GNAL: variants seen among roughly 807,000 people sequenced by gnomAD.
GNAL encodes G protein subunit alpha L.
Under a neutral mutation model 55.1 loss-of-function variants are expected in GNAL, and 18 were observed. The ratio of observed to expected loss-of-function variants is 0.33; its 90% confidence interval spans 0.23 to 0.48. The LOEUF is 0.48. Among genes scored for constraint, GNAL ranks in the 20% least tolerant of loss-of-function variants. The pLI is 0.99. For missense variants in GNAL, 412 were observed against 614.1 expected, an observed-to-expected ratio of 0.67 and a Z score of 3.48; for synonymous variants, 253 against 237.0, an observed-to-expected ratio of 1.07 and a Z score of -0.62.
At chr18:11,822,122 C>A (rs1318948289) in intron 4 of GNAL, among the ~76,000 whole-genome samples, 1 of 152,200 alleles carries the variant, frequency 6.6e-6, no homozygotes, top group African/African-American at 2.4e-5. Flanking sequence ...TCCGGAGAGG[C>A]CCAGGGGCTT....
At chr18:11,761,749 G>C (rs758692559) in intron 4 of GNAL, among the ~76,000 whole-genome samples, 1 of 152,132 alleles carries the variant, frequency 6.6e-6, no homozygotes, top group African/African-American at 2.4e-5. Context: ...CCTTTGCTTC[G>C]TGCTGTCTAG....
In GNAL at chr18:11,882,091, G is replaced by C. The variant is rs2036707622; in HGVS notation, c.*956G>C. On this transcript the variant is annotated 3_prime_UTR_variant, in exon 12 of 12. Coordinates refer to ENST00000334049, the MANE Select transcript of GNAL (RefSeq NM_182978.4). Reference sequence around the variant, plus strand: ...AAAATACTCCCTGATTTAAAAAATTGTAAGTTATACACGTTAATCATCCAC... The same window carrying C: ...AAAATACTCCCTGATTTAAAAAATTCTAAGTTATACACGTTAATCATCCAC... 1 of 152,154 alleles carries C rather than the reference G, an allele frequency of 6.6e-6. No homozygotes were observed. The highest frequency in any genetic ancestry group is 2.1e-4 in the South Asian group (1 of 4,832). 9.4% of individuals were successfully genotyped at this position (152,154 alleles called of 1,614,324 possible).
intron 1 of GNAL, among the ~76,000 whole-genome samples, chr18:11,716,968 G>T (rs1444380037): frequency 2.6e-5 from 4 of 152,234 alleles, no homozygotes; most frequent in African/African-American, 9.6e-5. Context: ...CCCTTAGGTG[G>T]TCGATGGGAC....
Position 11,753,189 on chromosome 18 carries a change from T to C in GNAL, c.449+264T>C, listed in dbSNP as rs144284842. 5.9e-3 allele frequency among the ~76,000 whole-genome samples: 895 copies of C among 151,468 alleles called. 7 individuals carry two copies. The highest frequency in any genetic ancestry group is 0.02 in the African/African-American group (829 of 40,920). On this transcript the variant is annotated intron_variant, in intron 2 of 11. Coordinates refer to ENST00000334049, the MANE Select transcript of GNAL (RefSeq NM_182978.4). ...TTGATCTGTATTACTGGTATTGCTC[T>C]GAGCACACTTAACCAATATCTCGAT...
intron 1 of GNAL, among the ~76,000 whole-genome samples, chr18:11,725,308 G>A (rs1350053545): frequency 3.3e-5 from 5 of 152,168 alleles, no homozygotes; most frequent in African/African-American, 1.2e-4. Flanking sequence ...GACACAGACA[G>A]GCACGGAGGT....
At chr18:11,798,050 A>C (rs755751078) in intron 4 of GNAL, among the ~76,000 whole-genome samples, 6 of 152,286 alleles carry the variant, frequency 3.9e-5, no homozygotes, top group Non-Finnish European at 5.9e-5. Flanking sequence ...GCAAAGATAT[A>C]ATGATCAAAT....
At chr18:11,850,916 T>A (rs2035842162) in intron 5 of GNAL, among the ~76,000 whole-genome samples, 1 of 152,196 alleles carries the variant, frequency 6.6e-6, no homozygotes, top group Admixed American at 6.5e-5. Flanking sequence ...CCCGTTTGTT[T>A]TTAATGTGTT....
chr18:11,772,350 A>G (rs962028481), intron 4 of GNAL, among the ~76,000 whole-genome samples: 3 of 152,224 alleles, frequency 2.0e-5, no homozygotes, highest in African/African-American at 7.2e-5. Flanking sequence ...ATTACCACTC[A>G]TGCTTCTCTT....
At chr18:11,823,110 A>G (rs547619641) in intron 4 of GNAL, among the ~76,000 whole-genome samples, 1 of 152,254 alleles carries the variant, frequency 6.6e-6, no homozygotes, top group Admixed American at 6.5e-5. Flanking sequence ...CTTCATGGCC[A>G]ACTTGATAAC....
intron 4 of GNAL, among the ~76,000 whole-genome samples, chr18:11,808,701 A>G (rs932937437): frequency 6.6e-6 from 1 of 152,240 alleles, no homozygotes; most frequent in South Asian, 2.1e-4. Context: ...TTGCACACGA[A>G]TGTTTATAGC....
chr18:11,845,788 A>AG (rs2035721228), intron 5 of GNAL, among the ~76,000 whole-genome samples: 1 of 148,208 alleles, frequency 6.7e-6, no homozygotes, highest in African/African-American at 2.5e-5. Context: ...AGAGAGAGAG[A>AG]AAGAGAGAGG....
At chr18:11,815,686 A>G (rs1453685902) in intron 4 of GNAL, among the ~76,000 whole-genome samples, 1 of 152,228 alleles carries the variant, frequency 6.6e-6, no homozygotes, top group Non-Finnish European at 1.5e-5. Context: ...TAAATGTTTT[A>G]AATAAAAAAA....
intron 1 of GNAL, among the ~76,000 whole-genome samples, chr18:11,693,580 A>G (rs1405508554): frequency 1.3e-5 from 2 of 152,146 alleles, no homozygotes; most frequent in African/African-American, 4.8e-5. Flanking sequence ...ATTGACCATT[A>G]ATATCCTCAG....
At position 11,780,530 on chromosome 18, in the gene GNAL, G is replaced by A. The variant is rs148153348; in HGVS notation, c.624+26585G>A. Among the ~76,000 whole-genome samples the A allele has an allele frequency of 7.3e-3, 1,117 of 152,270 alleles. 7 individuals are homozygous for A. Among genetic ancestry groups the A allele is most frequent in the African/African-American group, 0.025 (1,057 of 41,554 alleles). On this transcript the variant is annotated intron_variant, in intron 4 of 11. Transcript: ENST00000334049. ...AAAATATTTCAGCTGTAAATTGGAA[G>A]ATAAGTCCTCTGTCCAAGCAGTTTT...
intron 1 of GNAL, 95 bp downstream of exon 1, chr18:11,690,034 G>T (rs892696346): frequency 2.9e-6 from 2 of 687,080 alleles, no homozygotes. Context: ...GGGCACCGGG[G>T]AGCGGCGGCG....
At chr18:11,750,175 A>G (rs77909100) in intron 1 of GNAL, among the ~76,000 whole-genome samples, 4,820 of 152,208 alleles carry the variant, frequency 0.032, 236 homozygotes, top group African/African-American at 0.1. Context: ...TTGTAAGAAA[A>G]TGGAATCTGG....
chr18:11,689,610 G>A lies in GNAL; in HGVS notation c.47G>A (p.Gly16Glu). The change falls in exon 1 of 12, where the codon GGG becomes GAG. Residue 16 changes from glycine to glutamate, a missense_variant. Physicochemically the swap from Gly to Glu is moderately conservative, Grantham distance 98. Transcript: ENST00000334049. The stretch of plus-strand genomic sequence containing the variant: ...CGGCCGCTGCTTTTCGGGGGCCCAG[G>A]GGACGACCCCTGCGCGGCCTCGGAG... ...SLRPLLFGGPGDDPCAASEPP... is the reference protein window; with the variant it reads ...SLRPLLFGGPEDDPCAASEPP... The A allele has an allele frequency of 7.4e-7, 1 of 1,344,928 alleles. No homozygotes were observed. The highest frequency in any genetic ancestry group is 9.4e-7 in the Non-Finnish European group (1 of 1,058,848). The allele number at this position is 1,344,928 out of a possible 1,614,324, so 83.3% of individuals were successfully genotyped here. A position where few individuals can be genotyped will look rare whatever the true frequency, so the allele number is the denominator to read the frequency against.
chr18:11,834,985 T>A (rs1298387735), intron 5 of GNAL, among the ~76,000 whole-genome samples: 2 of 152,190 alleles, frequency 1.3e-5, no homozygotes, highest in African/African-American at 4.8e-5. Flanking sequence ...GTAAGACTAT[T>A]CAACAGGTGC....
In GNAL at chr18:11,753,705, G is replaced by A. The variant is rs747832369; in HGVS notation, c.504+23G>A. On this transcript the variant is annotated intron_variant, in intron 3 of 11. Transcript: ENST00000334049. ...GTGGTAAGGACTTTTTTAAATGATT[G>A]TTTACTAGAAAGGTCAAGTGCTCTT... 52 of 1,544,934 alleles carry A rather than the reference G, an allele frequency of 3.4e-5. No homozygotes were observed. The East Asian group carries it at 1.1e-3, about 33-fold the overall frequency.
Sources: allele counts gnomAD v4.1 joint callset (sites outside exome capture counted in the v4.1 genomes callset), GRCh38; gene constraint gnomAD v4.1.1; transcripts MANE v1.5; gene names NCBI Gene and HGNC (gene_info 2026-07-23, HGNC 2026-07-21).